PAH: variants seen among roughly 807,000 people sequenced by gnomAD.
PAH encodes phenylalanine-4-hydroxylase.
Under a neutral mutation model 62.0 loss-of-function variants are expected in PAH, and 64 were observed. The observed-to-expected ratio is 1.03, with a 90% CI of 0.84 to 1.27. The LOEUF (loss-of-function observed/expected upper bound fraction) is 1.27. Ranked by LOEUF, PAH falls within the 50% of genes most tolerant of loss-of-function variation. The pLI is 0.00. For synonymous variants in PAH, 195 were observed against 196.2 expected (o/e 0.99, Z 0.05); for missense variants, 579 against 542.8 (o/e 1.07, Z -0.66).
At chr12:102,924,055 C>A (rs1262989230) in intron 1 of PAH, among the ~76,000 whole-genome samples, 1 of 152,184 alleles carries the variant, frequency 6.6e-6, no homozygotes, top group African/African-American at 2.4e-5. Context: ...CTGGTAGGTT[C>A]TTTTTAACCA....
intron 1 of PAH, among the ~76,000 whole-genome samples, chr12:102,916,327 T>G (rs1878382637): frequency 6.6e-6 from 1 of 152,192 alleles, no homozygotes; most frequent in Non-Finnish European, 1.5e-5. Context: ...GGCCTGGGCT[T>G]TATGACTGAA....
Position 102,859,518 on chromosome 12 carries a change from C to G in PAH, c.510-4186G>C, listed in dbSNP as rs538953934. Among the ~76,000 whole-genome samples the G allele has an allele frequency of 6.6e-5, 10 of 151,990 alleles. No homozygotes were observed. The South Asian group carries it at 1.7e-3, about 25-fold the overall frequency. ...ATACCAAAGCCTGGCAGAGACACAACAAAAAAGAGAATTTCAGACCAATAT... is the reference window on the plus strand; with the variant it reads ...ATACCAAAGCCTGGCAGAGACACAAGAAAAAAGAGAATTTCAGACCAATAT... On this transcript the variant is annotated intron_variant, in intron 5 of 12. Transcript: ENST00000553106.
In PAH at chr12:102,942,511, C is replaced by T. The variant is rs1413999366; in HGVS notation, c.-96+8078G>A. ...CATACTACCCACAACAGATTCATTG[C>T]TATTTCTATGAAACTACCAATGACA... On this transcript the variant is annotated intron_variant, in intron 1 of 3. Transcript: ENST00000546844. Among the ~76,000 whole-genome samples, 4 of 152,120 alleles carry T rather than the reference C, an allele frequency of 2.6e-5. No individual in the cohort carries two copies. The South Asian group carries it at 6.2e-4, about 24-fold the overall frequency.
intron 1 of PAH, chr12:102,945,928 A>T (rs1879476451): frequency 6.6e-6 from 1 of 152,144 alleles, no homozygotes; most frequent in African/African-American, 2.4e-5. Flanking sequence ...GCCAAGGCCC[A>T]TGGAATATAC....
intron 1 of PAH, chr12:102,950,504 G>T (rs918052389): frequency 2.0e-5 from 3 of 152,386 alleles, no homozygotes; most frequent in Non-Finnish European, 4.4e-5. Context: ...AGGCCGCACC[G>T]CAAGGAGTCG....
intron 2 of PAH, among the ~76,000 whole-genome samples, chr12:102,906,679 T>C (rs1015835640): frequency 6.6e-6 from 1 of 152,244 alleles, no homozygotes; most frequent in African/African-American, 2.4e-5. Flanking sequence ...ATTAAGTGAT[T>C]TAATCTTTAG....
At position 102,957,532 on chromosome 12, in the gene PAH, T is replaced by G. The variant is rs1366114611; in HGVS notation, c.-96+663A>C. Among the ~76,000 whole-genome samples, 31 of 34,460 alleles carry G rather than the reference T, an allele frequency of 9.0e-4. No individual in the cohort carries two copies. The highest frequency in any genetic ancestry group is 1.1e-3 in the South Asian group (1 of 914). The allele number at this position is 34,460 out of a possible 152,430, so 22.6% of individuals were successfully genotyped here. Reference sequence around the variant, plus strand: ...GAGGAGGGGGAGTTTAGGGAGTGGGTGGGAGGAAGAGGTAAGAGGAGGGGG... The same window carrying G: ...GAGGAGGGGGAGTTTAGGGAGTGGGGGGGAGGAAGAGGTAAGAGGAGGGGG... On this transcript the variant is annotated intron_variant, in intron 1 of 4. Transcript: ENST00000551337. The surrounding 1 kb of genome is among the most constrained non-coding windows in gnomAD (Gnocchi z 4.1).
At chr12:102,911,132 C>T (rs1312028894) in intron 2 of PAH, among the ~76,000 whole-genome samples, 1 of 152,134 alleles carries the variant, frequency 6.6e-6, no homozygotes, top group Non-Finnish European at 1.5e-5. Context: ...TGGCTGTCAG[C>T]CCAGCCCTGG....
At position 102,839,113 on chromosome 12, in the gene PAH, A is replaced by G. The variant is rs563478341; in HGVS notation, c.*62T>C. 2.7e-6 allele frequency: 4 copies of G among 1,497,836 alleles called. No homozygotes were observed. The East Asian group carries it at 9.0e-5, about 34-fold the overall frequency. 92.8% of individuals were successfully genotyped at this position (1,497,836 alleles called of 1,614,324 possible). A position where few individuals can be genotyped will look rare whatever the true frequency, so the allele number is the denominator to read the frequency against. On this transcript the variant is annotated 3_prime_UTR_variant, in exon 13 of 13. Transcript: ENST00000553106. Reference sequence around the variant, plus strand: ...TTGCTTTTCGGACTTTTTCTGATGAAAGAAATAGTTGGATCTCCATCAACA... The same window carrying G: ...TTGCTTTTCGGACTTTTTCTGATGAGAGAAATAGTTGGATCTCCATCAACA...
chr12:102,902,229 C>G (rs1407038543), intron 2 of PAH, among the ~76,000 whole-genome samples: 1 of 152,114 alleles, frequency 6.6e-6, no homozygotes, highest in Non-Finnish European at 1.5e-5. Flanking sequence ...ACAAGGAGAC[C>G]GGTGTGACTG....
At chr12:102,869,705 A>C (rs539353083) in intron 4 of PAH, among the ~76,000 whole-genome samples, 45 of 152,276 alleles carry the variant, frequency 3.0e-4, no homozygotes, top group African/African-American at 1.0e-3. Context: ...ACCAGGTTGC[A>C]GGGAGTTTTG....
chr12:102,866,546 G>T, intron 5 of PAH, 50 bp downstream of exon 5: 1 of 1,393,980 alleles, frequency 7.2e-7, no homozygotes, highest in Non-Finnish European at 1.0e-6. Flanking sequence ...GGAGAAGCAG[G>T]CTAGGGGTGT....
At position 102,838,437 on chromosome 12, in the gene PAH, C is replaced by T. The variant is rs866282093; in HGVS notation, c.*738G>A. On this transcript the variant is annotated 3_prime_UTR_variant, in exon 13 of 13. Coordinates refer to ENST00000553106, the MANE Select transcript of PAH (RefSeq NM_000277.3). ...TCAGTGAACATTTCCTGAATATCTA[C>T]CAACCAAGCCTTTAGTCAACATCTG... 1.3e-5 allele frequency: 2 copies of T among 152,146 alleles called. No individual in the cohort carries two copies. Among genetic ancestry groups the T allele is most frequent in the South Asian group, 2.1e-4 (1 of 4,828 alleles). 9.4% of individuals were successfully genotyped at this position (152,146 alleles called of 1,614,324 possible).
chr12:102,849,798 C>T (rs146148473), intron 8 of PAH, among the ~76,000 whole-genome samples: 43 of 152,314 alleles, frequency 2.8e-4, no homozygotes, highest in Middle Eastern at 3.4e-3. Flanking sequence ...CCCACATTCC[C>T]TGTGCTCCAG....
chr12:102,909,427 TTAA>T (rs761600360), intron 2 of PAH, among the ~76,000 whole-genome samples: 6 of 152,164 alleles, frequency 3.9e-5, no homozygotes, highest in African/African-American at 4.8e-5. Flanking sequence ...AAGGTTTGTT[TTAA>T]TATTCAGTTT....
At chr12:102,954,849 T>C (rs1418728683), upstream of PAH, among the ~76,000 whole-genome samples, 2 of 152,218 alleles carry the variant, frequency 1.3e-5, no homozygotes, top group South Asian at 2.1e-4. Flanking sequence ...AGAAAAATTA[T>C]AGACTGTTCT....
rs1878258443 is a variant in PAH at position 102,912,878 on chromosome 12, G to A, written c.81C>T (p.Asp27=). ...DFGQETSYIE[D]NCNQNGAISL... ...ATATGGCACCATTTTGATTGCAGTT[G>A]TCTTCAATATAGCTTGTTTCCTACA... Residue 27 remains aspartate (D), a synonymous_variant, in exon 2 of 13, where the codon GAC becomes GAT. Transcript: ENST00000553106. The A allele has an allele frequency of 6.2e-7, 1 of 1,611,680 alleles. No homozygotes were observed. The highest frequency in any genetic ancestry group is 1.1e-5 in the South Asian group (1 of 91,052).
chr12:102,910,372 C>CT (rs766959541), intron 2 of PAH, among the ~76,000 whole-genome samples: 2,147 of 141,310 alleles, frequency 0.015, 52 homozygotes, highest in African/African-American at 0.047. Context: ...CTTGAAATTC[C>CT]TTTTTTTTTT....
intron 1 of PAH, among the ~76,000 whole-genome samples, chr12:102,956,688 C>G (rs139068724): frequency 0.017 from 2,550 of 152,152 alleles, 30 homozygotes; most frequent in Non-Finnish European, 0.025. Flanking sequence ...TTATGATATC[C>G]GCTAAGCTGG....
Sources: gnomAD v4.1 joint callset for allele counts (sites outside exome capture counted in the v4.1 genomes callset) on GRCh38, gnomAD v4.1.1 for gene constraint, Gnocchi (gnomAD v3.1) non-coding constraint, MANE v1.5 for transcripts, NCBI Gene and HGNC (gene_info 2026-07-23, HGNC 2026-07-21) for gene names.